Variants in SLC18A1 observed in about 807,000 individuals in gnomAD.
SLC18A1 encodes the protein solute carrier family 18 member A1.
Under a neutral mutation model 53.7 loss-of-function variants are expected in SLC18A1, and 69 were observed. That is an observed-to-expected ratio of 1.28 (90% CI 1.06 to 1.57). The LOEUF (loss-of-function observed/expected upper bound fraction) is 1.57, where lower values mean the gene tolerates loss of function less well. SLC18A1 is among the 40% of genes most tolerant of loss of function. The pLI is 0.00. For missense variants in SLC18A1, 932 were observed against 668.1 expected, an observed-to-expected ratio of 1.40 and a Z score of -4.35; for synonymous variants, 320 against 248.1, an observed-to-expected ratio of 1.29 and a Z score of -2.72.
rs185741171 is a variant in SLC18A1, at chr8:20,145,561, C to T, written c.*202G>A. 4.6e-4 allele frequency: 188 copies of T among 411,462 alleles called. 1 individual carries two copies. The highest frequency in any genetic ancestry group is 6.0e-4 in the Non-Finnish European group (138 of 231,148). 25.5% of individuals were successfully genotyped at this position (411,462 alleles called of 1,614,324 possible). On this transcript the variant is annotated 3_prime_UTR_variant, in exon 16 of 16. Transcript: ENST00000276373. ...TCTTCCCATAAAAGATGGGCCACTGCGGCACCAAGGCATAGAGGAAGAGCT... is the reference window on the plus strand; with the variant it reads ...TCTTCCCATAAAAGATGGGCCACTGTGGCACCAAGGCATAGAGGAAGAGCT...
At chr8:20,147,051 G>T (rs959605295) in intron 15 of SLC18A1, among the ~76,000 whole-genome samples, 4 of 152,128 alleles carry the variant, frequency 2.6e-5, no homozygotes, top group Non-Finnish European at 5.9e-5. Context: ...GCCCCAGAAA[G>T]AGGGAAGTGG....
At chr8:20,158,803 G>A (rs2071744791) in intron 10 of SLC18A1, among the ~76,000 whole-genome samples, 1 of 152,128 alleles carries the variant, frequency 6.6e-6, no homozygotes, top group African/African-American at 2.4e-5. Flanking sequence ...GAAGCAGAGT[G>A]ACTCACAGTC....
At chr8:20,174,287 G>T in intron 5 of SLC18A1, 74 bp downstream of exon 5, 1 of 1,050,564 alleles carries the variant, frequency 9.5e-7, no homozygotes, top group Non-Finnish European at 1.5e-6. Context: ...TGTAAATATA[G>T]GATCTGAGGT....
At chr8:20,179,531 T>A in intron 2 of SLC18A1, 47 bp from the exon 3 acceptor site, 1 of 1,559,488 alleles carries the variant, frequency 6.4e-7, no homozygotes, top group Non-Finnish European at 8.7e-7. Context: ...ACCGATGTCA[T>A]CTTACCACTG....
chr8:20,181,090 A>G lies in SLC18A1; in HGVS notation c.-123-3T>C, dbSNP rs931885411. ...TCTGCCCAGACGAAGGAAACTCACT[A>G]TTAAAACGAAAAGTGCAAAGGGTTG... On this transcript the variant is annotated splice_region_variant and splice_polypyrimidine_tract_variant and intron_variant, in intron 1 of 15. Coordinates refer to ENST00000276373, the MANE Select transcript of SLC18A1 (RefSeq NM_003053.4). 3 of 1,171,118 alleles carry G rather than the reference A, an allele frequency of 2.6e-6. No homozygotes were observed. The African/African-American group carries it at 4.6e-5, about 18-fold the overall frequency. 72.5% of individuals were successfully genotyped at this position (1,171,118 alleles called of 1,614,324 possible). A position where few individuals can be genotyped will look rare whatever the true frequency, so the allele number is the denominator to read the frequency against.
chr8:20,171,428 G>C lies in SLC18A1; in HGVS notation c.791C>G (p.Ala264Gly). ...ACCTCCATCCAGTAGTGCCAGGAAG[G>C]CCAGGATGAGGAAGGGTGCAGACTT... ...VGKSAPFLIL[A>G]FLALLDGALQ... is the part of the protein sequence containing the mutation. The change falls in exon 7 of 16, where the codon GCC (alanine) becomes GGC (glycine). Residue 264 changes from alanine (A) to glycine (G), a missense_variant. Transcript: ENST00000276373. The C allele has an allele frequency of 1.2e-6, 2 of 1,614,068 alleles. No homozygotes were observed. The highest frequency in any genetic ancestry group is 1.7e-6 in the Non-Finnish European group (2 of 1,179,946).
At chr8:20,168,011 A>G (rs1039198453) in intron 8 of SLC18A1, among the ~76,000 whole-genome samples, 3 of 152,164 alleles carry the variant, frequency 2.0e-5, no homozygotes, top group African/African-American at 7.2e-5. Context: ...GGAAAGTACA[A>G]GATGAACGTA....
At chr8:20,163,083 A>G (rs1012781363) in intron 10 of SLC18A1, among the ~76,000 whole-genome samples, 2 of 152,208 alleles carry the variant, frequency 1.3e-5, no homozygotes, top group African/African-American at 4.8e-5. Flanking sequence ...CTGGAGGTTA[A>G]GAAGTTCAAA....
intron 15 of SLC18A1, among the ~76,000 whole-genome samples, chr8:20,146,805 C>A (rs2071412384): frequency 1.5e-5 from 2 of 130,754 alleles, no homozygotes; most frequent in Admixed American, 8.1e-5. Context: ...CCCTGGGCAA[C>A]AAGAGTGAAA....
At chr8:20,182,316 G>A (rs1261753979) in intron 1 of SLC18A1, among the ~76,000 whole-genome samples, 1 of 151,050 alleles carries the variant, frequency 6.6e-6, no homozygotes, top group Non-Finnish European at 1.5e-5. Flanking sequence ...ACATGTTAAT[G>A]GTGGATTATT....
intron 4 of SLC18A1, 78 bp from the exon 5 acceptor site, chr8:20,174,522 G>A (rs1585222230): frequency 1.2e-6 from 1 of 859,702 alleles, no homozygotes; most frequent in East Asian, 2.5e-5. Flanking sequence ...ACATGCCCGT[G>A]ATACTGCAGA....
chr8:20,151,826 A>G (rs1234509811), intron 10 of SLC18A1, among the ~76,000 whole-genome samples: 2 of 151,956 alleles, frequency 1.3e-5, no homozygotes, highest in Admixed American at 6.6e-5. Context: ...ATTCATTTTA[A>G]CAAACTTTGA....
intron 5 of SLC18A1, 112 bp downstream of exon 5, chr8:20,174,249 C>T: frequency 1.2e-6 from 1 of 817,152 alleles, no homozygotes; most frequent in South Asian, 1.5e-5. Flanking sequence ...TTCTACCTAT[C>T]CAGGTGACAT....
rs1479830475 is a variant in SLC18A1, at chr8:20,173,128, C to A, written c.632G>T (p.Gly211Val). The change falls in exon 6 of 16, where the codon GGT (glycine) becomes GTT (valine). Residue 211 changes from glycine to valine, a missense_variant and splice_region_variant. Gly to Val is a moderately radical substitution (Grantham distance 109). Coordinates refer to ENST00000276373, the MANE Select transcript of SLC18A1 (RefSeq NM_003053.4). ...GTAGACACTGGCCAGCATTCCAAGA[C>A]CTGCGCAGAGAGTTACAGATGCAGC... ...GIGSSFSSVA[G>V]LGMLASVYTD... 3 of 1,566,652 alleles carry A rather than the reference C, an allele frequency of 1.9e-6. No individual in the cohort carries two copies. The highest frequency in any genetic ancestry group is 2.6e-6 in the Non-Finnish European group (3 of 1,156,082).
chr8:20,145,934 G>C, intron 15 of SLC18A1, 58 bp from the exon 16 acceptor site: 1 of 971,034 alleles, frequency 1.0e-6, no homozygotes, highest in Non-Finnish European at 1.5e-6. Context: ...TTTTTTTTTT[G>C]AGACGGAGTC....
At chr8:20,153,007 A>G (rs575570862) in intron 10 of SLC18A1, among the ~76,000 whole-genome samples, 46 of 152,300 alleles carry the variant, frequency 3.0e-4, no homozygotes, top group African/African-American at 1.1e-3. Context: ...TGTTTTCTCA[A>G]TGAGTAGGAG....
chr8:20,154,387 A>T (rs1219574311), intron 10 of SLC18A1, among the ~76,000 whole-genome samples: 1 of 152,214 alleles, frequency 6.6e-6, no homozygotes, highest in Non-Finnish European at 1.5e-5. Context: ...AGATGTTGAC[A>T]GCTTTAATGA....
chr8:20,164,826 C>G, intron 10 of SLC18A1, 43 bp downstream of exon 10: 2 of 1,484,380 alleles, frequency 1.3e-6, no homozygotes, highest in Non-Finnish European at 1.8e-6. Flanking sequence ...TGGCACCCAC[C>G]TCCTCCTGCC....
At position 20,156,818 on chromosome 8, in the gene SLC18A1, C is replaced by T. The variant is rs573132935; in HGVS notation, c.1016-6074G>A. 9.2e-5 allele frequency among the ~76,000 whole-genome samples: 14 copies of T among 152,284 alleles called. No individual in the cohort carries two copies. In the East Asian group the frequency reaches 2.5e-3, roughly 27 times the overall value. On this transcript the variant is annotated intron_variant, in intron 10 of 15. Coordinates refer to ENST00000276373, the MANE Select transcript of SLC18A1 (RefSeq NM_003053.4). ...AGTGGGCAAAAACTCTATCTCAATC[C>T]TGACTCAAAGGGTTACCTACACCCT... is the stretch of plus-strand genomic sequence containing the variant.
Sources: gnomAD v4.1 joint callset for allele counts (sites outside exome capture counted in the v4.1 genomes callset) on GRCh38, gnomAD v4.1.1 for gene constraint, MANE v1.5 for transcripts, NCBI Gene and HGNC (gene_info 2026-07-23, HGNC 2026-07-21) for gene names.